The following CYRIB variants were observed in gnomAD, a reference collection of about 807,000 sequenced individuals.
CYRIB encodes CYFIP related Rac1 interactor B.
A neutral mutation model predicts 44.2 loss-of-function variants in CYRIB; 8 were observed. The observed-to-expected ratio is 0.18, with a 90% CI of 0.11 to 0.33. The LOEUF is 0.33. Ranked by LOEUF, CYRIB falls within the 10% of genes least tolerant of loss-of-function variation. The pLI is 1.00. For synonymous variants in CYRIB, 131 were observed against 127.2 expected, an observed-to-expected ratio of 1.03 and a Z score of -0.20; for missense variants, 185 against 382.8, an observed-to-expected ratio of 0.48 and a Z score of 4.31.
chr8:129,953,752 T>C (rs1256117346), intron 2 of CYRIB, among the ~76,000 whole-genome samples: 1 of 152,068 alleles, frequency 6.6e-6, no homozygotes, highest in Admixed American at 6.5e-5. Context: ...ATCCCCAGCA[T>C]GGCCACAGAG....
intron 2 of CYRIB, among the ~76,000 whole-genome samples, chr8:129,951,059 C>A (rs1002519674): frequency 6.6e-6 from 1 of 152,188 alleles, no homozygotes; most frequent in East Asian, 1.9e-4. Context: ...AATCCCAGCA[C>A]TTTAGGAGGC....
chr8:130,015,301 T>G (rs956490731), intron 1 of CYRIB, among the ~76,000 whole-genome samples: 4 of 152,324 alleles, frequency 2.6e-5, no homozygotes, highest in Admixed American at 2.6e-4. Flanking sequence ...TTCTAGGTGC[T>G]GGGGATGCAG....
intron 1 of CYRIB, among the ~76,000 whole-genome samples, chr8:130,011,305 G>A (rs1409369717): frequency 1.4e-4 from 21 of 152,130 alleles, no homozygotes; most frequent in Middle Eastern, 3.4e-3. Flanking sequence ...TAGATCACCT[G>A]AGGTCAGGAG....
chr8:129,894,164 A>G (rs2066760145), intron 2 of CYRIB, among the ~76,000 whole-genome samples: 1 of 152,248 alleles, frequency 6.6e-6, no homozygotes, highest in Non-Finnish European at 1.5e-5. Context: ...ACTTAAGCTC[A>G]TGTACAAGAG....
chr8:129,862,381 AGGTTCATTTTTACATT>A, intron 4 of CYRIB, 47 bp from the exon 7 acceptor site: 4 of 1,355,870 alleles, frequency 3.0e-6, no homozygotes, highest in Non-Finnish European at 4.1e-6. Flanking sequence ...AAAAAAAAAA[AGGTTCATTTTTACATT>A]AAAATGTAGG....
intron 5 of CYRIB, among the ~76,000 whole-genome samples, chr8:129,861,114 T>A (rs1028538830): frequency 4.6e-5 from 7 of 152,232 alleles, no homozygotes; most frequent in African/African-American, 1.4e-4. Context: ...TCAAACTATA[T>A]GGAAGTACGT....
intron 1 of CYRIB, among the ~76,000 whole-genome samples, chr8:129,938,203 A>G (rs760365802): frequency 1.6e-4 from 24 of 152,232 alleles, no homozygotes; most frequent in Non-Finnish European, 2.6e-4. Flanking sequence ...CAAACAGGCT[A>G]TCAAATAAAC....
At chr8:129,947,614 T>C (rs1007117771) in intron 2 of CYRIB, among the ~76,000 whole-genome samples, 3 of 152,172 alleles carry the variant, frequency 2.0e-5, no homozygotes, top group Non-Finnish European at 4.4e-5. Context: ...ACCCTGATTA[T>C]ATGAGTAATA....
intron 2 of CYRIB, among the ~76,000 whole-genome samples, chr8:129,880,043 T>C (rs2060353345): frequency 6.6e-6 from 1 of 152,158 alleles, no homozygotes; most frequent in African/African-American, 2.4e-5. Flanking sequence ...ACAATTCTGA[T>C]TTTTAAAATA....
intron 2 of CYRIB, chr8:129,948,089 TTA>T (rs2094280201): frequency 6.6e-6 from 1 of 152,162 alleles, no homozygotes; most frequent in Non-Finnish European, 1.5e-5. Flanking sequence ...CCACCTGGAG[TTA>T]TTAGAGTCCT....
At chr8:130,006,594 T>TTATATATATATATA in intron 1 of CYRIB, among the ~76,000 whole-genome samples, 6 of 15,300 alleles carry the variant, frequency 3.9e-4, no homozygotes, top group South Asian at 2.1e-3. Flanking sequence ...AAAACACAAA[T>TTATATATATATATA]TATATATATA....
intron 2 of CYRIB, among the ~76,000 whole-genome samples, chr8:129,893,950 G>GAT (rs764637693): frequency 2.0e-5 from 3 of 151,092 alleles, no homozygotes; most frequent in Non-Finnish European, 4.4e-5. Context: ...TTGCATACGT[G>GAT]ATATACTGTG....
chr8:130,005,320 G>C (rs1406473459), intron 1 of CYRIB, among the ~76,000 whole-genome samples: 2 of 152,188 alleles, frequency 1.3e-5, no homozygotes, highest in African/African-American at 4.8e-5. Flanking sequence ...GTGGGTGCTA[G>C]GGCAGGGCCT....
chr8:129,923,075 A>AT (rs1427216540), intron 1 of CYRIB, among the ~76,000 whole-genome samples: 1 of 147,258 alleles, frequency 6.8e-6, no homozygotes, highest in Non-Finnish European at 1.5e-5. Flanking sequence ...CTAAAAAAAA[A>AT]AAAAAAAAGA....
chr8:129,898,799 GTCAT>G (rs2069722859), intron 2 of CYRIB, among the ~76,000 whole-genome samples: 1 of 151,990 alleles, frequency 6.6e-6, no homozygotes, highest in Non-Finnish European at 1.5e-5. Context: ...TCCAGCAGAG[GTCAT>G]TCATTTACAT....
intron 1 of CYRIB, among the ~76,000 whole-genome samples, chr8:129,924,731 C>A (rs1014202089): frequency 6.6e-6 from 1 of 152,038 alleles, no homozygotes. Flanking sequence ...ATCTGGGAGG[C>A]TGAGACAGAG....
intron 4 of CYRIB, among the ~76,000 whole-genome samples, chr8:129,867,884 T>C (rs1383509812): frequency 6.6e-6 from 1 of 152,212 alleles, no homozygotes; most frequent in African/African-American, 2.4e-5. Flanking sequence ...TTATAGTTTT[T>C]TTTTAAATAT....
At chr8:129,905,146 T>A (rs1307886635) in intron 1 of CYRIB, among the ~76,000 whole-genome samples, 1 of 152,198 alleles carries the variant, frequency 6.6e-6, no homozygotes, top group Non-Finnish European at 1.5e-5. Flanking sequence ...GTCTACAATT[T>A]ATTTTTTAAT....
At position 129,969,355 on chromosome 8, in the gene CYRIB, G is replaced by A. The variant is rs983270570; in HGVS notation, c.-243+1588C>T. On this transcript the variant is annotated intron_variant, in intron 2 of 14. Transcript: ENST00000401979. ...ATTTGCAGGTTTCCCTTTCTTCAGC[G>A]CTCCCCTAGATAAAATTCTTATATT... Among the ~76,000 whole-genome samples, 7 of 152,060 alleles carry A rather than the reference G, an allele frequency of 4.6e-5. No homozygotes were observed. In the South Asian group the frequency reaches 1.5e-3, roughly 32 times the overall value.
Sources: gnomAD v4.1 joint callset for allele counts (sites outside exome capture counted in the v4.1 genomes callset) on GRCh38, gnomAD v4.1.1 for gene constraint, MANE v1.5 for transcripts, NCBI Gene and HGNC (gene_info 2026-07-23, HGNC 2026-07-21) for gene names.